POLA1: variants seen among roughly 807,000 people sequenced by gnomAD.
The protein encoded by POLA1 is DNA polymerase alpha 1, catalytic subunit, also known as DNA polymerase alpha catalytic subunit.
Under a neutral mutation model 124.0 loss-of-function variants are expected in POLA1, and 15 were observed. The ratio of observed to expected loss-of-function variants is 0.12; its 90% confidence interval spans 0.08 to 0.19. POLA1 has a LOEUF of 0.19. POLA1 is among the 10% of genes least tolerant of loss of function. The pLI is 1.00. For missense variants in POLA1, 886 were observed against 1,103.4 expected (o/e 0.80, Z 2.79); for synonymous variants, 408 against 389.4 (o/e 1.05, Z -0.56).
chrX:24,779,357 G>T (rs990417114), intron 26 of POLA1, among the ~76,000 whole-genome samples: 3 of 112,339 alleles, frequency 2.7e-5, no homozygotes, highest in Non-Finnish European at 5.6e-5. Context: ...GATTACAGGC[G>T]TGGGCCACCG....
At chrX:24,838,613 G>T (rs1301495070) in intron 32 of POLA1, among the ~76,000 whole-genome samples, 1 of 112,649 alleles carries the variant, frequency 8.9e-6, no homozygotes, top group East Asian at 2.8e-4. Context: ...TTGGGATTCA[G>T]TTTTGCATTT....
At chrX:24,774,302 C>T (rs2045095104) in intron 26 of POLA1, among the ~76,000 whole-genome samples, 2 of 111,535 alleles carry the variant, frequency 1.8e-5, no homozygotes, top group Admixed American at 1.9e-4. Flanking sequence ...CTTAGTGTCC[C>T]AGGCTGCTCC....
chrX:24,854,342 G>A (rs764030141), intron 34 of POLA1, among the ~76,000 whole-genome samples: 1 of 111,511 alleles, frequency 9.0e-6, no homozygotes, highest in East Asian at 2.8e-4. Context: ...GAGCCACCGC[G>A]CCCGGCCACG....
At chrX:24,787,088 A>G (rs925215307) in intron 26 of POLA1, among the ~76,000 whole-genome samples, 12 of 110,928 alleles carry the variant, frequency 1.1e-4, no homozygotes, top group African/African-American at 2.6e-4. Flanking sequence ...TTTTTGTGCT[A>G]TTGAGTTGTG....
At chrX:24,940,894 C>T (rs1259468438) in intron 36 of POLA1, among the ~76,000 whole-genome samples, 2 of 111,925 alleles carry the variant, frequency 1.8e-5, no homozygotes, top group African/African-American at 6.5e-5. Context: ...TTGCTTCAGG[C>T]AAATTATAGG....
chrX:24,796,262 T>C (rs1032980363), intron 26 of POLA1, among the ~76,000 whole-genome samples: 1 of 111,539 alleles, frequency 9.0e-6, no homozygotes, highest in Non-Finnish European at 1.9e-5. Context: ...GCTTGTAGTT[T>C]TGGTTGCACA....
chrX:24,757,762 G>A (rs374441499), intron 26 of POLA1, among the ~76,000 whole-genome samples: 1 of 110,895 alleles, frequency 9.0e-6, no homozygotes, highest in African/African-American at 3.3e-5. Flanking sequence ...TTTAAGTGCC[G>A]CCATGATACT....
chrX:24,697,965 A>G (rs1433925730), intron 1 of POLA1, among the ~76,000 whole-genome samples: 7 of 104,569 alleles, frequency 6.7e-5, no homozygotes, highest in African/African-American at 1.8e-4. Flanking sequence ...TTTTTGAGAT[A>G]GAGTCTCGCT....
rs764618354 is a variant in POLA1 at position 24,947,246 on chromosome X, C to CTTT, written c.4261+16734_4261+16736dup. On this transcript the variant is annotated intron_variant, in intron 36 of 36. Coordinates refer to ENST00000379068, the MANE Select transcript of POLA1 (RefSeq NM_001330360.2). ...CAGCTGGTTGTTTTCCCTGCAGATT[C>CTTT]TTTTTTTTTTTTTTTTTTTTTTTTT... Among the ~76,000 whole-genome samples, 14 of 21,620 alleles carry CTTT rather than the reference C, an allele frequency of 6.5e-4. 6 individuals are homozygous for CTTT. The highest frequency in any genetic ancestry group is 8.3e-4 in the Non-Finnish European group (10 of 11,987). 18.8% of individuals were successfully genotyped at this position (21,620 alleles called of 115,157 possible).
intron 36 of POLA1, among the ~76,000 whole-genome samples, chrX:24,955,995 TTTAAAA>T (rs1351572226): frequency 8.9e-6 from 1 of 111,932 alleles, no homozygotes; most frequent in African/African-American, 3.2e-5. Context: ...TTTTAATAAC[TTTAAAA>T]TATATAGGCC....
In POLA1 at chrX:24,762,959, A is replaced by G. The variant is rs769741569; in HGVS notation, c.2964+13967A>G. Among the ~76,000 whole-genome samples the G allele has an allele frequency of 2.3e-4, 25 of 110,961 alleles. No individual in the cohort carries two copies. In the East Asian group the frequency reaches 7.1e-3, roughly 31 times the overall value. On this transcript the variant is annotated intron_variant, in intron 26 of 36. Coordinates refer to ENST00000379068, the MANE Select transcript of POLA1 (RefSeq NM_001330360.2). The stretch of plus-strand genomic sequence containing the variant: ...CACCATGTTGGCCAGGCTGGTCTAG[A>G]ACTCCTAACCTCAAATGATCCACCC...
intron 16 of POLA1, 135 bp downstream of exon 16, chrX:24,732,589 G>GTTTTTTT (rs1197349636): frequency 1.3e-4 from 15 of 116,581 alleles, no homozygotes; most frequent in East Asian, 4.6e-4. Context: ...AGAGGGTTTT[G>GTTTTTTT]TTTTTTTTTG....
chrX:24,708,960 G>A (rs1332101458), intron 4 of POLA1, among the ~76,000 whole-genome samples: 4 of 75,439 alleles, frequency 5.3e-5, no homozygotes, highest in African/African-American at 1.4e-4. Context: ...CAGTAGGGGC[G>A]GCCGGGCAGA....
At chrX:24,901,972 C>A in intron 35 of POLA1, among the ~76,000 whole-genome samples, 1 of 110,600 alleles carries the variant, frequency 9.0e-6, no homozygotes, top group African/African-American at 3.3e-5. Flanking sequence ...AATTACAGAA[C>A]CAGAGAAACC....
At chrX:24,707,154 T>G (rs1928866818) in intron 4 of POLA1, among the ~76,000 whole-genome samples, 1 of 112,453 alleles carries the variant, frequency 8.9e-6, no homozygotes, top group Non-Finnish European at 1.9e-5. Flanking sequence ...TGAGCTCATG[T>G]GCCACTTTCA....
At chrX:24,949,243 C>G (rs1018624877) in intron 36 of POLA1, among the ~76,000 whole-genome samples, 2 of 111,755 alleles carry the variant, frequency 1.8e-5, no homozygotes, top group African/African-American at 6.5e-5. Context: ...TGAAGAACAC[C>G]TCAAATTTCT....
intron 36 of POLA1, among the ~76,000 whole-genome samples, chrX:24,992,452 AATT>A (rs1414189278): frequency 8.9e-6 from 1 of 112,688 alleles, no homozygotes; most frequent in Non-Finnish European, 1.9e-5. Context: ...ACACAGAGAC[AATT>A]ATGACTGACT....
chrX:24,787,790 T>C (rs990661555), intron 26 of POLA1, among the ~76,000 whole-genome samples: 3 of 112,293 alleles, frequency 2.7e-5, no homozygotes, highest in Non-Finnish European at 5.6e-5. Flanking sequence ...ATTGAATCCA[T>C]AGATTGCTTT....
chrX:24,703,385 C>T, intron 3 of POLA1, 38 bp downstream of exon 3: 1 of 948,336 alleles, frequency 1.1e-6, no homozygotes, highest in Non-Finnish European at 1.5e-6. Context: ...ATGTTGCTTC[C>T]TAGGCACTGT....
Sources: gnomAD v4.1 joint callset for allele counts (sites outside exome capture counted in the v4.1 genomes callset) on GRCh38, gnomAD v4.1.1 for gene constraint, MANE v1.5 for transcripts, NCBI Gene and HGNC (gene_info 2026-07-23, HGNC 2026-07-21) for gene names.